The following NCOA7 variants were observed in gnomAD, a reference collection of about 807,000 sequenced individuals.
NCOA7 encodes 140 kDa estrogen receptor-associated protein.
Under a neutral mutation model 104.3 loss-of-function variants are expected in NCOA7, and 45 were observed. That is an observed-to-expected ratio of 0.43 (90% CI 0.34 to 0.55). The LOEUF (loss-of-function observed/expected upper bound fraction) is 0.55. Among genes scored for constraint, NCOA7 ranks in the 20% least tolerant of loss-of-function variants. The probability of loss-of-function intolerance (pLI) is 0.02; values close to 1 mark genes in which losing one functional copy is unlikely to be tolerated. For synonymous variants in NCOA7, 398 were observed against 402.3 expected (o/e 0.99, Z 0.13); for missense variants, 1,041 against 1,119.7 (o/e 0.93, Z 1.00).
intron 1 of NCOA7, among the ~76,000 whole-genome samples, chr6:125,812,469 A>G (rs1385969236): frequency 6.6e-6 from 1 of 152,242 alleles, no homozygotes; most frequent in Non-Finnish European, 1.5e-5. Context: ...AGGGATGTGA[A>G]GATAAACTAG....
At chr6:125,882,315 C>T in intron 6 of NCOA7, 111 bp from the exon 7 acceptor site, 2 of 1,049,752 alleles carry the variant, frequency 1.9e-6, no homozygotes, top group Admixed American at 2.8e-5. Flanking sequence ...TTTTAATGTT[C>T]CACTTAAATA....
At chr6:125,918,224 T>C (rs1286555172) in intron 11 of NCOA7, among the ~76,000 whole-genome samples, 1 of 152,170 alleles carries the variant, frequency 6.6e-6, no homozygotes, top group Non-Finnish European at 1.5e-5. Context: ...TTCTCTACTG[T>C]CTCCTCACCT....
intron 10 of NCOA7, among the ~76,000 whole-genome samples, chr6:125,891,657 CAAA>C (rs1191638911): frequency 1.3e-5 from 2 of 152,126 alleles, no homozygotes; most frequent in Non-Finnish European, 2.9e-5. Context: ...TCTCAGTAAA[CAAA>C]ATTAAATTCT....
At chr6:125,884,191 TTC>T (rs1237469992) in intron 7 of NCOA7, among the ~76,000 whole-genome samples, 4 of 152,264 alleles carry the variant, frequency 2.6e-5, no homozygotes, top group Non-Finnish European at 5.9e-5. Context: ...CAGGATTGCA[TTC>T]TTTTTTTATG....
In NCOA7 at chr6:125,915,329, T is replaced by TC; in HGVS notation, c.2097-3dup. The TC allele has an allele frequency of 6.2e-7, 1 of 1,613,530 alleles. No individual in the cohort carries two copies. Among genetic ancestry groups the TC allele is most frequent in the Non-Finnish European group, 8.5e-7 (1 of 1,179,540 alleles). On this transcript the variant is annotated splice_region_variant and splice_polypyrimidine_tract_variant and intron_variant, in intron 10 of 15. Transcript: ENST00000392477. ...TTAACATCTGTCACAAACGTGTTTT[T>TC]CAGGGTGGATCATTTGTACACATTC...
upstream of NCOA7, among the ~76,000 whole-genome samples, chr6:125,786,540 T>G (rs138129139): frequency 1.2e-3 from 179 of 151,970 alleles, 1 homozygote; most frequent in South Asian, 4.2e-3. Flanking sequence ...AATTCTAAAT[T>G]TGGGACAAAA....
At chr6:125,824,985 G>A (rs1301313400) in intron 2 of NCOA7, among the ~76,000 whole-genome samples, 3 of 152,034 alleles carry the variant, frequency 2.0e-5, no homozygotes, top group Non-Finnish European at 2.9e-5. Flanking sequence ...GCAGGGAGTC[G>A]AGATCAAGCC....
rs1415001771 is a variant in NCOA7 at position 125,922,578 on chromosome 6, T to C, written c.2371-104T>C. 4.6e-6 allele frequency: 6 copies of C among 1,300,712 alleles called. No homozygotes were observed. The East Asian group carries it at 9.4e-5, about 20-fold the overall frequency. The allele number at this position is 1,300,712 out of a possible 1,614,324, so 80.6% of individuals were successfully genotyped here. ...AGAATAAGGAGGGGCACTATGTGAG[T>C]GTATGATACTGAGTTTGAATAACAG... On this transcript the variant is annotated intron_variant, in intron 12 of 15. Transcript: ENST00000392477.
At chr6:125,834,697 G>C (rs985766357) in intron 2 of NCOA7, among the ~76,000 whole-genome samples, 1 of 152,186 alleles carries the variant, frequency 6.6e-6, no homozygotes, top group Non-Finnish European at 1.5e-5. Flanking sequence ...AATTAATGCA[G>C]GTAGAGTTGA....
intron 1 of NCOA7, among the ~76,000 whole-genome samples, 185 bp downstream of exon 1, chr6:125,791,252 C>T (rs1469463016): frequency 6.6e-6 from 1 of 152,172 alleles, no homozygotes; most frequent in African/African-American, 2.4e-5. Context: ...TGCTTGAGCT[C>T]GGGAGGCCGA....
intron 3 of NCOA7, among the ~76,000 whole-genome samples, chr6:125,860,096 A>G (rs1781913142): frequency 6.6e-6 from 1 of 152,166 alleles, no homozygotes; most frequent in Non-Finnish European, 1.5e-5. Flanking sequence ...TTCCAGAATG[A>G]GTGAACTGAG....
At chr6:125,916,385 C>T (rs989104888) in intron 11 of NCOA7, among the ~76,000 whole-genome samples, 3 of 152,304 alleles carry the variant, frequency 2.0e-5, no homozygotes, top group Non-Finnish European at 4.4e-5. Context: ...GACTAATACA[C>T]AAGCTGTAGT....
chr6:125,781,755 C>T (rs1774235756), intron 1 of NCOA7, among the ~76,000 whole-genome samples: 1 of 152,216 alleles, frequency 6.6e-6, no homozygotes, highest in Admixed American at 6.5e-5. Flanking sequence ...TGAAAACCAT[C>T]CTCCTACTCA....
chr6:125,918,307 A>G (rs1787253960), intron 11 of NCOA7, among the ~76,000 whole-genome samples: 4 of 152,186 alleles, frequency 2.6e-5, no homozygotes, highest in Admixed American at 1.3e-4. Context: ...TATAGGAAAT[A>G]ATAAATGTCC....
chr6:125,784,679 C>A (rs969605946), intron 1 of NCOA7, among the ~76,000 whole-genome samples: 18 of 152,132 alleles, frequency 1.2e-4, no homozygotes, highest in Non-Finnish European at 2.4e-4. Context: ...AACTGTGGTA[C>A]ATCGATATGC....
intron 3 of NCOA7, among the ~76,000 whole-genome samples, chr6:125,859,429 A>G (rs912966380): frequency 6.6e-6 from 1 of 152,236 alleles, no homozygotes; most frequent in Non-Finnish European, 1.5e-5. Flanking sequence ...AACAAAAGTA[A>G]TCCAGTGAAT....
At chr6:125,793,575 C>A (rs540397745) in intron 1 of NCOA7, among the ~76,000 whole-genome samples, 1 of 152,176 alleles carries the variant, frequency 6.6e-6, no homozygotes, top group Non-Finnish European at 1.5e-5. Flanking sequence ...ACTCCGCCCC[C>A]ACAAGCACCA....
intron 1 of NCOA7, among the ~76,000 whole-genome samples, chr6:125,795,403 T>G (rs1775226093): frequency 6.6e-6 from 1 of 152,194 alleles, no homozygotes; most frequent in Non-Finnish European, 1.5e-5. Context: ...AGAGTGAAAG[T>G]ACTCCCTCTC....
chr6:125,915,707 T>G (rs1787011663), intron 11 of NCOA7, among the ~76,000 whole-genome samples: 1 of 152,176 alleles, frequency 6.6e-6, no homozygotes, highest in Admixed American at 6.6e-5. Context: ...ATGAATCTAC[T>G]TATATTCTTA....
Sources: gnomAD v4.1 joint callset for allele counts (sites outside exome capture counted in the v4.1 genomes callset) on GRCh38, gnomAD v4.1.1 for gene constraint, MANE v1.5 for transcripts, NCBI Gene and HGNC (gene_info 2026-07-23, HGNC 2026-07-21) for gene names.